Variants in LRRK1 observed in about 807,000 individuals in gnomAD.
The protein encoded by LRRK1 is leucine-rich repeat serine/threonine-protein kinase 1.
A neutral mutation model predicts 209.1 loss-of-function variants in LRRK1; 113 were observed. That is an observed-to-expected ratio of 0.54 (90% CI 0.46 to 0.63). The LOEUF (loss-of-function observed/expected upper bound fraction) is 0.63. Ranked by LOEUF, LRRK1 falls within the 30% of genes least tolerant of loss-of-function variation. LRRK1 has a pLI of 0.00. For synonymous variants in LRRK1, 1,144 were observed against 1,099.7 expected, an observed-to-expected ratio of 1.04 and a Z score of -0.80; for missense variants, 2,284 against 2,632.2, an observed-to-expected ratio of 0.87 and a Z score of 2.89.
At chr15:101,058,567 A>G (rs1369649323) in intron 29 of LRRK1, among the ~76,000 whole-genome samples, 3 of 127,392 alleles carry the variant, frequency 2.4e-5, no homozygotes, top group African/African-American at 8.6e-5. Context: ...CGGCCTGGTT[A>G]TGTGACTTTC....
At chr15:101,001,046 G>A (rs966213052) in intron 6 of LRRK1, among the ~76,000 whole-genome samples, 1 of 152,140 alleles carries the variant, frequency 6.6e-6, no homozygotes, top group African/African-American at 2.4e-5. Context: ...CAGAGTGCAG[G>A]AACTTGAGAA....
intron 20 of LRRK1, among the ~76,000 whole-genome samples, chr15:101,035,664 A>T (rs2034467848): frequency 6.6e-6 from 1 of 152,066 alleles, no homozygotes; most frequent in Non-Finnish European, 1.5e-5. Flanking sequence ...AATTATTAAT[A>T]TGTGAGGTTT....
intron 2 of LRRK1, among the ~76,000 whole-genome samples, chr15:100,930,533 C>G (rs769585906): frequency 3.3e-5 from 5 of 152,220 alleles, no homozygotes; most frequent in Non-Finnish European, 5.9e-5. Context: ...TGGCCTCCCC[C>G]ACCCCACACT....
chr15:101,064,868 T>C, intron 31 of LRRK1: 1 of 153,838 alleles, frequency 6.5e-6, no homozygotes, highest in Non-Finnish European at 1.5e-5. Context: ...TATGGAACAC[T>C]CTGCCTGGTG....
rs1467785217 is a variant in LRRK1, at chr15:101,077,460, A to G, written c.*8612A>G. ...ATACATAATCTTTGCTGGCAGGACT[A>G]TGCTGAACCTCCTTTGGCACTCTCT... On this transcript the variant is annotated 3_prime_UTR_variant, in exon 34 of 34. Transcript: ENST00000388948. 3 of 152,214 alleles carry G rather than the reference A, an allele frequency of 2.0e-5. No homozygotes were observed. Among genetic ancestry groups the G allele is most frequent in the African/African-American group, 7.2e-5 (3 of 41,454 alleles). 9.4% of individuals were successfully genotyped at this position (152,214 alleles called of 1,614,324 possible).
chr15:100,993,049 A>C lies in LRRK1; in HGVS notation c.762+3651A>C, dbSNP rs566741249. On this transcript the variant is annotated intron_variant, in intron 6 of 33. Transcript: ENST00000388948. ...ACTTCCTGGTTCTTATCTGGACTCC[A>C]GGCTTCAGTACTGCAGGGCCTTCGT... Among the ~76,000 whole-genome samples the C allele has an allele frequency of 3.3e-5, 5 of 152,316 alleles. No homozygotes were observed. In the South Asian group the frequency reaches 1.0e-3, roughly 32 times the overall value.
intron 2 of LRRK1, among the ~76,000 whole-genome samples, chr15:100,962,761 A>G (rs1184259487): frequency 7.1e-6 from 1 of 141,050 alleles, no homozygotes; most frequent in African/African-American, 2.6e-5. Flanking sequence ...ATCACAAATA[A>G]TCAGAGAACC....
Position 100,973,923 on chromosome 15 carries a change from C to CTGCTGGAGGAGGCCTGCGACCAG in LRRK1, c.221_243dup (p.Ala82TrpfsTer18). 2 of 1,263,828 alleles carry CTGCTGGAGGAGGCCTGCGACCAG rather than the reference C, an allele frequency of 1.6e-6. No individual in the cohort carries two copies. Among genetic ancestry groups the CTGCTGGAGGAGGCCTGCGACCAG allele is most frequent in the Non-Finnish European group, 2.0e-6 (2 of 998,958 alleles). 78.3% of individuals were successfully genotyped at this position (1,263,828 alleles called of 1,614,324 possible). ...GGGAGACCGCGGCGGCGCCCGGGAC[C>CTGCTGGAGGAGGCCTGCGACCAG]TGCTGGAGGAGGCCTGCGACCAGTG... On this transcript the variant is annotated frameshift_variant, in exon 3 of 34. Coordinates refer to ENST00000388948, the MANE Select transcript of LRRK1 (RefSeq NM_024652.6). LOFTEE classifies it high-confidence loss of function.
rs1166889955 is a variant in LRRK1, at chr15:101,029,011, C to T, written c.2742C>T (p.His914=). The change falls in exon 20 of 34, where the codon CAC becomes CAT. Residue 914 remains histidine (H), a synonymous_variant. Transcript: ENST00000388948. ...GTLLHFPDTS[H]GLRNLYFLDP... ...TGCTCCATTTCCCGGACACCAGCCA[C>T]GGCCTGAGGAACCTCTACTTCCTCG... The T allele has an allele frequency of 8.7e-6, 14 of 1,614,054 alleles. No individual in the cohort carries two copies. The highest frequency in any genetic ancestry group is 2.2e-5 in the East Asian group (1 of 44,890).
At position 101,065,711 on chromosome 15, in the gene LRRK1, C is replaced by T. The variant is rs2141163792; in HGVS notation, c.5274C>T (p.Ala1758=). ...EEVVWCLDDK[A]NSLVMYHSTT... ...TCGTCTGGTGCCTGGATGACAAGGC[C>T]AACTCCTTGGTGATGTACCACTCCA... The change falls in exon 32 of 34, where the codon GCC becomes GCT. Residue 1758 remains alanine, a synonymous_variant. Transcript: ENST00000388948. The T allele has an allele frequency of 5.0e-6, 8 of 1,614,126 alleles. No homozygotes were observed. In the East Asian group the frequency reaches 1.8e-4, roughly 36 times the overall value.
intron 2 of LRRK1, among the ~76,000 whole-genome samples, chr15:100,944,046 A>C (rs1299237999): frequency 6.6e-6 from 1 of 152,146 alleles, no homozygotes. Context: ...AGGTCAGAGA[A>C]AAATCATGAA....
chr15:100,950,205 TAAC>T (rs2042618433), intron 2 of LRRK1, among the ~76,000 whole-genome samples: 1 of 147,086 alleles, frequency 6.8e-6, no homozygotes, highest in South Asian at 2.2e-4. Flanking sequence ...AATTATCACT[TAAC>T]AATCTGAAAA....
At chr15:101,054,858 GA>G in intron 26 of LRRK1, 87 bp from the exon 27 acceptor site, 1 of 1,163,676 alleles carries the variant, frequency 8.6e-7, no homozygotes, top group South Asian at 1.5e-5. Flanking sequence ...AGGGAGATCG[GA>G]AGACAAAAAG....
chr15:101,024,621 G>A lies in LRRK1; in HGVS notation c.2068-182G>A, dbSNP rs1188372711. On this transcript the variant is annotated intron_variant, in intron 15 of 33. Coordinates refer to ENST00000388948, the MANE Select transcript of LRRK1 (RefSeq NM_024652.6). The surrounding 1 kb of genome is among the most constrained non-coding windows in gnomAD (Gnocchi z 4.6). ...CCCAGAAGCCCACCCCCATGCCACCGGGCCCCTGTCCCTCGCCCAGATAAC... is the reference window on the plus strand; with the variant it reads ...CCCAGAAGCCCACCCCCATGCCACCAGGCCCCTGTCCCTCGCCCAGATAAC... 1.3e-5 allele frequency among the ~76,000 whole-genome samples: 2 copies of A among 152,296 alleles called. No individual in the cohort carries two copies. Among genetic ancestry groups the A allele is most frequent in the Admixed American group, 6.5e-5 (1 of 15,300 alleles).
chr15:101,061,414 G>A (rs1195782555), intron 30 of LRRK1, 126 bp downstream of exon 30: 19 of 646,860 alleles, frequency 2.9e-5, no homozygotes, highest in South Asian at 3.7e-5. Context: ...AACCCCCAGC[G>A]CATCCCCGTG....
chr15:101,061,395 C>T, intron 30 of LRRK1, 107 bp downstream of exon 30: 2 of 730,972 alleles, frequency 2.7e-6, no homozygotes, highest in Admixed American at 2.3e-5. Flanking sequence ...GTCAAGTGAA[C>T]TTTCAGATAA....
In LRRK1 at chr15:100,998,599, A is replaced by G. The variant is rs1034737042; in HGVS notation, c.762+9201A>G. Among the ~76,000 whole-genome samples, 8 of 129,020 alleles carry G rather than the reference A, an allele frequency of 6.2e-5. No individual in the cohort carries two copies. The South Asian group carries it at 2.2e-3, about 36-fold the overall frequency. The allele number at this position is 129,020 out of a possible 152,430, so 84.6% of individuals were successfully genotyped here. On this transcript the variant is annotated intron_variant, in intron 6 of 33. Transcript: ENST00000388948. The stretch of plus-strand genomic sequence containing the variant: ...TGCCCCTCCGTATAGGACTTGGAAC[A>G]CGATAGATAGGTGGGTAGGTAGAAA...
At position 101,053,482 on chromosome 15, in the gene LRRK1, C is replaced by T. The variant is rs2035605614; in HGVS notation, c.4054+62C>T. ...CGACAGAGCCCCGGGCGCCTCCTGC[C>T]TGGCACGGGGGGTAGAGCCTCAGGT... On this transcript the variant is annotated intron_variant, in intron 26 of 33. Transcript: ENST00000388948. The T allele has an allele frequency of 1.1e-5, 16 of 1,412,566 alleles. No homozygotes were observed. The South Asian group carries it at 1.7e-4, about 15-fold the overall frequency. The allele number at this position is 1,412,566 out of a possible 1,614,324, so 87.5% of individuals were successfully genotyped here.
rs2036931742 is a variant in LRRK1, at chr15:101,074,990, T to A, written c.*6142T>A. On this transcript the variant is annotated 3_prime_UTR_variant, in exon 34 of 34. Coordinates refer to ENST00000388948, the MANE Select transcript of LRRK1 (RefSeq NM_024652.6). Reference sequence around the variant, plus strand: ...TCTCTGACTGACTCCTTCCCAGATCTTCTTGGCTTAGCGGCTGAAGACTGA... The same window carrying A: ...TCTCTGACTGACTCCTTCCCAGATCATCTTGGCTTAGCGGCTGAAGACTGA... The A allele has an allele frequency of 7.0e-6, 1 of 142,804 alleles. No homozygotes were observed. Among genetic ancestry groups the A allele is most frequent in the Admixed American group, 7.0e-5 (1 of 14,364 alleles). 8.8% of individuals were successfully genotyped at this position (142,804 alleles called of 1,614,324 possible). A position where few individuals can be genotyped will look rare whatever the true frequency, so the allele number is the denominator to read the frequency against.
Sources: gnomAD v4.1 joint callset for allele counts (sites outside exome capture counted in the v4.1 genomes callset) on GRCh38, gnomAD v4.1.1 for gene constraint, Gnocchi (gnomAD v3.1) non-coding constraint, MANE v1.5 for transcripts, NCBI Gene and HGNC (gene_info 2026-07-23, HGNC 2026-07-21) for gene names.